Variants in IGFN1 observed in about 807,000 individuals in gnomAD.
IGFN1 encodes immunoglobulin-like and fibronectin type III domain-containing protein 1.
Under a neutral mutation model 289.5 loss-of-function variants are expected in IGFN1, and 253 were observed. That is an observed-to-expected ratio of 0.87 (90% CI 0.79 to 0.97). The LOEUF (loss-of-function observed/expected upper bound fraction) is 0.97. Among genes scored for constraint, IGFN1 ranks in the 50% least tolerant of loss-of-function variants. The probability of loss-of-function intolerance (pLI) is 0.00; values close to 1 mark genes in which losing one functional copy is unlikely to be tolerated. For synonymous variants in IGFN1, 1,706 were observed against 1,788.5 expected (o/e 0.95, Z 1.16); for missense variants, 4,470 against 4,686.1 (o/e 0.95, Z 1.35).
Position 201,210,928 on chromosome 1 carries a change from G to A in IGFN1, c.6035G>A (p.Ser2012Asn). ...GCTCCTGAGGGAATAGGTTCAGGGA[G>A]TAAGGCAGGTTTCAGGGATGGTTTA... is the stretch of plus-strand genomic sequence containing the variant. ...LGAPEGIGSG[S>N]KAGFRDGLGG... The change falls in exon 12 of 24, where the codon AGT becomes AAT. Residue 2012 changes from serine to asparagine, a missense_variant. Transcript: ENST00000335211. 2 of 960,424 alleles carry A rather than the reference G, an allele frequency of 2.1e-6. No homozygotes were observed. The highest frequency in any genetic ancestry group is 2.9e-6 in the Non-Finnish European group (2 of 683,418). 59.5% of individuals were successfully genotyped at this position (960,424 alleles called of 1,614,324 possible). A position where few individuals can be genotyped will look rare whatever the true frequency, so the allele number is the denominator to read the frequency against.
rs765819333 is a variant in IGFN1, at chr1:201,216,590, C to G, written c.9432C>G (p.Gly3144=). ...ACGTGGTGGAGAGACGGCAGGCTGG[C>G]AGGAGCACTTGGCTGAAGGTGGGCG... The part of the protein sequence containing the change: ...ECYVVERRQA[G]RSTWLKVGEA... Residue 3144 remains glycine (G), a synonymous_variant, in exon 16 of 24, where the codon GGC becomes GGG. Transcript: ENST00000335211. 2 of 1,613,668 alleles carry G rather than the reference C, an allele frequency of 1.2e-6. No homozygotes were observed.
In IGFN1 at chr1:201,207,065, C is replaced by A; in HGVS notation, c.2172C>A (p.Gly724=). ...SGELLEQIPG[G]KDFQEPSISG... ...AGTTGCTAGAACAGATACCTGGAGG[C>A]AAGGACTTCCAGGAACCATCAATAT... Residue 724 remains glycine, a synonymous_variant, in exon 12 of 24, where the codon GGC becomes GGA. Transcript: ENST00000335211. 6.5e-7 allele frequency: 1 copy of A among 1,536,948 alleles called. No homozygotes were observed. The highest frequency in any genetic ancestry group is 8.7e-7 in the Non-Finnish European group (1 of 1,146,836).
intron 5 of IGFN1, 126 bp from the exon 6 acceptor site, chr1:201,199,208 T>A (rs529166489): frequency 1.2e-6 from 1 of 815,152 alleles, no homozygotes; most frequent in South Asian, 1.5e-5. Context: ...CGTCCACGCC[T>A]TAGAGGACAG....
At position 201,215,646 on chromosome 1, in the gene IGFN1, A is replaced by C. The variant is rs759873397; in HGVS notation, c.9103A>C (p.Ile3035Leu). 1 of 1,614,006 alleles carries C rather than the reference A, an allele frequency of 6.2e-7. No homozygotes were observed. Among genetic ancestry groups the C allele is most frequent in the Admixed American group, 1.7e-5 (1 of 60,012 alleles). Residue 3035 changes from isoleucine (I) to leucine (L), a missense_variant, in exon 15 of 24, where the codon ATT becomes CTT. Coordinates refer to ENST00000335211, the MANE Select transcript of IGFN1 (RefSeq NM_001164586.2). Reference sequence around the variant, plus strand: ...GATCCCCTTCCAGAGCCACCTCCCCATTCAGGCTGCCTGGAGGAAGGACGG... The same window carrying C: ...GATCCCCTTCCAGAGCCACCTCCCCCTTCAGGCTGCCTGGAGGAAGGACGG... ...VKIPFQSHLP[I>L]QAAWRKDGAE...
At position 201,206,094 on chromosome 1, in the gene IGFN1, A is replaced by G. The variant is rs180741982; in HGVS notation, c.1201A>G (p.Lys401Glu). ...ACCCCTCACTGAAGCTGGGAAGGAT[A>G]AAGACCTTCAGTCCACAAGTGCTGA... Reference protein sequence around the residue: ...AWLVVEAGKDKDLQSTSADHK... With the variant: ...AWLVVEAGKDEDLQSTSADHK... The change falls in exon 12 of 24, where the codon AAA (lysine) becomes GAA (glutamate). Residue 401 changes from lysine (K) to glutamate (E), a missense_variant. Transcript: ENST00000335211. 464 of 1,547,818 alleles carry G rather than the reference A, an allele frequency of 3.0e-4. 2 individuals carry two copies. In the African/African-American group the frequency reaches 5.0e-3, roughly 17 times the overall value.
In IGFN1 at chr1:201,222,740, C is replaced by T; in HGVS notation, c.10203C>T (p.Val3401=). 1 of 1,610,770 alleles carries T rather than the reference C, an allele frequency of 6.2e-7. No individual in the cohort carries two copies. Among genetic ancestry groups the T allele is most frequent in the Non-Finnish European group, 8.5e-7 (1 of 1,177,618 alleles). Reference sequence around the variant, plus strand: ...AACCAGTCCTCTTGTGCGTTTCAGTCTGTCCCAAGTTCCTCGTGGACTCCA... The same window carrying T: ...AACCAGTCCTCTTGTGCGTTTCAGTTTGTCCCAAGTTCCTCGTGGACTCCA... ...DTLVQAMPVT[V]CPKFLVDSST... The change falls in exon 20 of 24, where the codon GTC becomes GTT. Residue 3401 remains valine (V), a splice_region_variant and synonymous_variant. Transcript: ENST00000335211.
At chr1:201,214,104 T>C in intron 12 of IGFN1, 73 bp from the exon 13 acceptor site, 2 of 1,454,034 alleles carry the variant, frequency 1.4e-6, no homozygotes, top group Non-Finnish European at 1.8e-6. Flanking sequence ...AGGACCATGG[T>C]GGCCTTGCGG....
chr1:201,199,711 G>C, intron 7 of IGFN1, 57 bp downstream of exon 7: 6 of 1,454,882 alleles, frequency 4.1e-6, no homozygotes, highest in South Asian at 1.3e-5. Flanking sequence ...TTCACCCCCT[G>C]CTATTTCCAT....
At chr1:201,226,202 C>T (rs1187296894) in intron 22 of IGFN1, 79 bp downstream of exon 22, 4 of 1,412,474 alleles carry the variant, frequency 2.8e-6, no homozygotes, top group Non-Finnish European at 3.7e-6. Context: ...CCAAGCATGG[C>T]AAGCGCGCAG....
chr1:201,196,071 T>A, intron 4 of IGFN1, 93 bp downstream of exon 4: 1 of 1,253,024 alleles, frequency 8.0e-7, no homozygotes, highest in Non-Finnish European at 1.1e-6. Flanking sequence ...CCTAGAGGAG[T>A]AAGACATACT....
chr1:201,191,250 A>T (rs1041026645), intron 1 of IGFN1, among the ~76,000 whole-genome samples: 4 of 152,150 alleles, frequency 2.6e-5, no homozygotes, highest in Non-Finnish European at 4.4e-5. Context: ...GGGACTTGTT[A>T]TATTTTGGTT....
Position 201,226,132 on chromosome 1 carries a change from C to T in IGFN1, c.10786+9C>T, listed in dbSNP as rs763335637. ...CATCCCCCGGCAGCGCGGTAAGCAGCCCCTGAGAGGGAGGAGCAGGCAGGG... is the reference window on the plus strand; with the variant it reads ...CATCCCCCGGCAGCGCGGTAAGCAGTCCCTGAGAGGGAGGAGCAGGCAGGG... On this transcript the variant is annotated intron_variant, in intron 22 of 23. Coordinates refer to ENST00000335211, the MANE Select transcript of IGFN1 (RefSeq NM_001164586.2). 24 of 1,571,198 alleles carry T rather than the reference C, an allele frequency of 1.5e-5. 1 individual carries two copies. In the Admixed American group the frequency reaches 2.7e-4, roughly 18 times the overall value.
Position 201,207,162 on chromosome 1 carries a change from G to A in IGFN1, c.2269G>A (p.Asp757Asn). 2.0e-6 allele frequency: 3 copies of A among 1,536,984 alleles called. No homozygotes were observed. The highest frequency in any genetic ancestry group is 2.6e-6 in the Non-Finnish European group (3 of 1,146,814). ...AGCTGAAGACTCACTGCAGGAGGCA[G>A]ATGGTATATGCCGGGGGGAGTCTGT... ...IKAEDSLQEADGICRGESVVT... is the reference protein window; with the variant it reads ...IKAEDSLQEANGICRGESVVT... The change falls in exon 12 of 24, where the codon GAT becomes AAT. Residue 757 changes from aspartate to asparagine, a missense_variant. Physicochemically the swap from Asp to Asn is conservative, Grantham distance 23. Coordinates refer to ENST00000335211, the MANE Select transcript of IGFN1 (RefSeq NM_001164586.2).
chr1:201,211,542 G>C lies in IGFN1; in HGVS notation c.6649G>C (p.Asp2217His). The change falls in exon 12 of 24, where the codon GAT becomes CAT. Residue 2217 changes from aspartate (D) to histidine (H), a missense_variant. Asp to His is a moderately conservative substitution (Grantham distance 81). This residue lies in a region of IGFN1 where 2,218 missense variants were observed against 2,114.1 expected (regional missense o/e 1.05). Transcript: ENST00000335211. ...GSVNKAGYRK[D>H]LGAPKGMGSG... is the part of the protein sequence containing the mutation. ...AGTGAATAAGGCAGGTTATAGGAAG[G>C]ATTTGGGGGCTCCTAAGGGAATGGG... The C allele has an allele frequency of 6.6e-7, 1 of 1,522,448 alleles. No homozygotes were observed. The highest frequency in any genetic ancestry group is 8.8e-7 in the Non-Finnish European group (1 of 1,138,948). The allele number at this position is 1,522,448 out of a possible 1,614,324, so 94.3% of individuals were successfully genotyped here.
In IGFN1 at chr1:201,211,883, T is replaced by C. The variant is rs527246530; in HGVS notation, c.6990T>C (p.Ser2330=). 6.5e-7 allele frequency: 1 copy of C among 1,531,320 alleles called. No individual in the cohort carries two copies. The highest frequency in any genetic ancestry group is 2.4e-5 in the East Asian group (1 of 40,872). The allele number at this position is 1,531,320 out of a possible 1,614,324, so 94.9% of individuals were successfully genotyped here. A position where few individuals can be genotyped will look rare whatever the true frequency, so the allele number is the denominator to read the frequency against. Residue 2330 remains serine, a synonymous_variant, in exon 12 of 24, where the codon AGT becomes AGC. Transcript: ENST00000335211. ...CTAGGCAAGGCTTTGGGGGAACTAGTGGCATGGGGTCAGGGAGTGAGGTCA... is the reference window on the plus strand; with the variant it reads ...CTAGGCAAGGCTTTGGGGGAACTAGCGGCATGGGGTCAGGGAGTGAGGTCA... ...AGSRQGFGGT[S]GMGSGSEVSY... is the part of the protein sequence containing the mutation.
chr1:201,215,941 G>T (rs1653229517), intron 15 of IGFN1, 103 bp downstream of exon 15: 1 of 1,143,230 alleles, frequency 8.7e-7, no homozygotes, highest in East Asian at 2.5e-5. Context: ...TGCTGGCTCT[G>T]ATCCTCATTT....
Position 201,216,610 on chromosome 1 carries a change from T to C in IGFN1, c.9452T>C (p.Val3151Ala), listed in dbSNP as rs751750742. The stretch of plus-strand genomic sequence containing the variant: ...GCTGGCAGGAGCACTTGGCTGAAGG[T>C]GGGCGAGGCCCCCGCTGACAGCACC... ...RQAGRSTWLK[V>A]GEAPADSTTF... The change falls in exon 16 of 24, where the codon GTG (valine) becomes GCG (alanine). Residue 3151 changes from valine (V) to alanine (A), a missense_variant. Physicochemically the swap from Val to Ala is moderately conservative, Grantham distance 64. Coordinates refer to ENST00000335211, the MANE Select transcript of IGFN1 (RefSeq NM_001164586.2). 6.2e-7 allele frequency: 1 copy of C among 1,613,636 alleles called. No individual in the cohort carries two copies. The highest frequency in any genetic ancestry group is 1.1e-5 in the South Asian group (1 of 91,064).
chr1:201,224,799 A>G lies in IGFN1; in HGVS notation c.10411A>G (p.Ser3471Gly). Reference protein sequence around the residue: ...LLIPVAGLSDSGLYTVVLRTL... With the variant: ...LLIPVAGLSDGGLYTVVLRTL... ...GATCCCTGTGGCTGGACTCTCAGAC[A>G]GTGGTCTCTACACTGTGGTGCTGAG... The change falls in exon 21 of 24, where the codon AGT (serine) becomes GGT (glycine). Residue 3471 changes from serine to glycine, a missense_variant. Physicochemically the swap from Ser to Gly is moderately conservative, Grantham distance 56. Around this residue, in one of 8 missense-constraint regions of IGFN1, gnomAD observed 2,218 missense variants for 2,114.1 expected, o/e 1.05. Coordinates refer to ENST00000335211, the MANE Select transcript of IGFN1 (RefSeq NM_001164586.2). 1 of 1,614,186 alleles carries G rather than the reference A, an allele frequency of 6.2e-7. No individual in the cohort carries two copies. Among genetic ancestry groups the G allele is most frequent in the Non-Finnish European group, 8.5e-7 (1 of 1,180,020 alleles).
At position 201,228,410 on chromosome 1, in the gene IGFN1, CCCTGGGATGGT is replaced by C; in HGVS notation, c.*17_*27del. 1 of 1,613,970 alleles carries C rather than the reference CCCTGGGATGGT, an allele frequency of 6.2e-7. No individual in the cohort carries two copies. The highest frequency in any genetic ancestry group is 1.1e-5 in the South Asian group (1 of 91,084). ...GAACCCAGCACCTAGCCTCACCTCACCCTGGGATGGTCCTGGACCCTTGAAGCTTCACTTCC... is the reference window on the plus strand; with the variant it reads ...GAACCCAGCACCTAGCCTCACCTCACCCTGGACCCTTGAAGCTTCACTTCC... On this transcript the variant is annotated 3_prime_UTR_variant, in exon 24 of 24. Transcript: ENST00000335211.
Sources: gnomAD v4.1 joint callset for allele counts (sites outside exome capture counted in the v4.1 genomes callset) on GRCh38, gnomAD v4.1.1 for gene constraint, gnomAD v4.1.1 regional missense constraint, MANE v1.5 for transcripts, NCBI Gene and HGNC (gene_info 2026-07-23, HGNC 2026-07-21) for gene names.